The following NTN4 variants were observed in gnomAD, a reference collection of about 807,000 sequenced individuals.
The protein encoded by NTN4 is netrin-4.
NTN4 carries 32 observed loss-of-function variants against 73.6 expected under a neutral mutation model. The ratio of observed to expected loss-of-function variants is 0.44; its 90% CI spans 0.33 to 0.58. The LOEUF is 0.58. NTN4 is among the 20% of genes least tolerant of loss of function. NTN4 has a pLI of 0.04. For missense variants in NTN4, 654 were observed against 798.3 expected (o/e 0.82, Z 2.18); for synonymous variants, 258 against 287.5 (o/e 0.90, Z 1.04).
rs568198684 is a variant in NTN4 at position 95,691,690 on chromosome 12, C to T, written c.1181-7979G>A. Among the ~76,000 whole-genome samples, 410 of 152,260 alleles carry T rather than the reference C, an allele frequency of 2.7e-3. 2 individuals carry two copies. The highest frequency in any genetic ancestry group is 6.8e-3 in the Middle Eastern group (2 of 292). ...GATTACAGGCGTGAGCCACCATGCC[C>T]GGCCTGTCTTCTTGTTAGACCCAAC... On this transcript the variant is annotated intron_variant, in intron 5 of 9. Transcript: ENST00000343702.
intron 9 of NTN4, chr12:95,663,395 G>A (rs569237665): frequency 1.3e-5 from 2 of 152,130 alleles, no homozygotes; most frequent in South Asian, 2.1e-4. Context: ...TTTGCTACAC[G>A]TCTGAGAACA....
chr12:95,772,102 G>A (rs929873230), intron 2 of NTN4, among the ~76,000 whole-genome samples: 12 of 152,102 alleles, frequency 7.9e-5, no homozygotes, highest in Non-Finnish European at 1.2e-4. Context: ...GCAGTGGTGC[G>A]ATCATGGTTC....
chr12:95,673,054 A>G (rs2078246002), intron 7 of NTN4: 1 of 1,485,202 alleles, frequency 6.7e-7, no homozygotes, highest in African/African-American at 1.4e-5. Flanking sequence ...TGCCCAGGGC[A>G]AGGCCAAGAA....
chr12:95,719,536 T>A (rs892296407), intron 3 of NTN4, among the ~76,000 whole-genome samples: 6 of 152,122 alleles, frequency 3.9e-5, no homozygotes, highest in African/African-American at 1.2e-4. Context: ...AGGATTAAAC[T>A]TCTAAAATAA....
At chr12:95,666,421 A>G (rs2078180626) in intron 8 of NTN4, among the ~76,000 whole-genome samples, 1 of 152,172 alleles carries the variant, frequency 6.6e-6, no homozygotes. Context: ...CTATTGAAAT[A>G]AAATAAAATA....
At chr12:95,688,854 C>G (rs1396503190) in intron 5 of NTN4, among the ~76,000 whole-genome samples, 1 of 151,722 alleles carries the variant, frequency 6.6e-6, no homozygotes, top group African/African-American at 2.4e-5. Context: ...GCTCAAGTCA[C>G]ATACGATGGA....
Position 95,779,512 on chromosome 12 carries a change from A to G in NTN4, c.585+7427T>C, listed in dbSNP as rs2121292874. Among the ~76,000 whole-genome samples the G allele has an allele frequency of 2.0e-5, 3 of 152,328 alleles. No individual in the cohort carries two copies. The East Asian group carries it at 5.8e-4, about 29-fold the overall frequency. ...TCGCAAGCATTCTTATACACCAATA[A>G]CAGACAAACAGAGAGCCAAATCATG... On this transcript the variant is annotated intron_variant, in intron 2 of 9. Coordinates refer to ENST00000343702, the MANE Select transcript of NTN4 (RefSeq NM_021229.4).
intron 5 of NTN4, among the ~76,000 whole-genome samples, chr12:95,687,755 T>C (rs1253424980): frequency 2.0e-5 from 3 of 152,142 alleles, no homozygotes; most frequent in Non-Finnish European, 4.4e-5. Context: ...CTCTTACTAG[T>C]AGAGTCTGAA....
Position 95,658,366 on chromosome 12 carries a change from C to T in NTN4, c.*720G>A, listed in dbSNP as rs11108176. ...AGCCTCCAGCTCAAAGCTGAGACTT[C>T]ACGCATACATATTCTCCTTTCTGGT... On this transcript the variant is annotated 3_prime_UTR_variant, in exon 10 of 10. Transcript: ENST00000343702. 0.03 allele frequency: 4,555 copies of T among 152,396 alleles called. 82 individuals carry two copies. The highest frequency in any genetic ancestry group is 0.082 in the East Asian group (427 of 5,188). 9.4% of individuals were successfully genotyped at this position (152,396 alleles called of 1,614,324 possible).
intron 5 of NTN4, among the ~76,000 whole-genome samples, chr12:95,703,253 T>C (rs553308626): frequency 2.0e-5 from 3 of 152,320 alleles, no homozygotes; most frequent in East Asian, 1.9e-4. Context: ...ATAGACTAGA[T>C]TGCCCAAGCC....
chr12:95,707,334 A>G (rs1284166228), intron 5 of NTN4, among the ~76,000 whole-genome samples: 1 of 152,064 alleles, frequency 6.6e-6, no homozygotes, highest in Non-Finnish European at 1.5e-5. Flanking sequence ...CCTTTGTCAC[A>G]TCAGGCACCT....
chr12:95,707,629 G>A (rs972917175), intron 5 of NTN4, among the ~76,000 whole-genome samples: 1 of 151,896 alleles, frequency 6.6e-6, no homozygotes, highest in Non-Finnish European at 1.5e-5. Flanking sequence ...TCACTTATTA[G>A]TTATATTTAT....
intron 5 of NTN4, among the ~76,000 whole-genome samples, chr12:95,690,751 A>C (rs1479647133): frequency 6.6e-6 from 1 of 152,166 alleles, no homozygotes; most frequent in Non-Finnish European, 1.5e-5. Flanking sequence ...TAGTTACTAT[A>C]TCACTCAGTC....
intron 3 of NTN4, among the ~76,000 whole-genome samples, chr12:95,737,268 T>C (rs79834172): frequency 0.09 from 13,738 of 152,200 alleles, 860 homozygotes; most frequent in Non-Finnish European, 0.13. Flanking sequence ...CACTTGGTCC[T>C]GAGGATACAA....
intron 7 of NTN4, among the ~76,000 whole-genome samples, chr12:95,681,860 T>C (rs529476956): frequency 9.8e-5 from 15 of 152,294 alleles, no homozygotes; most frequent in African/African-American, 3.6e-4. Flanking sequence ...ATGTCATTAA[T>C]TTGATTTTTT....
intron 2 of NTN4, among the ~76,000 whole-genome samples, chr12:95,757,195 T>A (rs1209667531): frequency 1.3e-5 from 2 of 152,220 alleles, no homozygotes; most frequent in Admixed American, 1.3e-4. Flanking sequence ...ATATTCATGC[T>A]TAATAATGGC....
intron 5 of NTN4, among the ~76,000 whole-genome samples, chr12:95,693,224 C>A (rs2078414921): frequency 6.6e-6 from 1 of 150,588 alleles, no homozygotes; most frequent in Non-Finnish European, 1.5e-5. Context: ...AAGCATTATA[C>A]CCGAGGTAGT....
intron 3 of NTN4, among the ~76,000 whole-genome samples, chr12:95,721,694 T>C (rs1427993210): frequency 6.6e-6 from 1 of 152,248 alleles, no homozygotes; most frequent in Non-Finnish European, 1.5e-5. Context: ...AGTTTAAATC[T>C]AGTTATGAAG....
chr12:95,752,245 A>T (rs1479516198), intron 2 of NTN4, among the ~76,000 whole-genome samples: 1 of 150,844 alleles, frequency 6.6e-6, no homozygotes, highest in Non-Finnish European at 1.5e-5. Context: ...TCTCGTTACA[A>T]TTCCCCCATT....
Sources: gnomAD v4.1 joint callset for allele counts (sites outside exome capture counted in the v4.1 genomes callset) on GRCh38, gnomAD v4.1.1 for gene constraint, MANE v1.5 for transcripts, NCBI Gene and HGNC (gene_info 2026-07-23, HGNC 2026-07-21) for gene names.